The following ARL15 variants were observed in gnomAD, a reference collection of about 807,000 sequenced individuals.
The protein encoded by ARL15 is ADP-ribosylation factor-like protein 15.
A neutral mutation model predicts 25.2 loss-of-function variants in ARL15; 19 were observed. The observed-to-expected ratio is 0.75, with a 90% CI of 0.53 to 1.10. The LOEUF (loss-of-function observed/expected upper bound fraction) is 1.10. Among genes scored for constraint, ARL15 ranks in the 50% least tolerant of loss-of-function variants. The pLI, the probability that ARL15 is intolerant of heterozygous loss-of-function variation, is 0.00. For missense variants in ARL15, 220 were observed against 246.0 expected (o/e 0.89, Z 0.71); for synonymous variants, 94 against 86.8 (o/e 1.08, Z -0.46).
At chr5:54,117,506 C>T (rs1752942332) in intron 3 of ARL15, among the ~76,000 whole-genome samples, 1 of 151,962 alleles carries the variant, frequency 6.6e-6, no homozygotes, top group Admixed American at 6.6e-5. Context: ...CTTTAATCTC[C>T]TGCTACAGTT....
At chr5:54,149,757 T>C (rs959974207) in intron 3 of ARL15, among the ~76,000 whole-genome samples, 1 of 152,180 alleles carries the variant, frequency 6.6e-6, no homozygotes, top group Non-Finnish European at 1.5e-5. Context: ...CATCAGTCCA[T>C]TCAGCATCCT....
intron 3 of ARL15, among the ~76,000 whole-genome samples, chr5:54,146,592 A>C (rs1163963597): frequency 6.6e-6 from 1 of 152,196 alleles, no homozygotes; most frequent in Admixed American, 6.5e-5. Flanking sequence ...GGAGAAACAA[A>C]TACTTATTCC....
intron 1 of ARL15, among the ~76,000 whole-genome samples, chr5:54,290,908 C>A (rs1023506013): frequency 6.6e-6 from 1 of 152,084 alleles, no homozygotes; most frequent in African/African-American, 2.4e-5. Context: ...CTTCTTTGGG[C>A]ATGATACCTA....
In ARL15 at chr5:54,058,020, T is replaced by A. The variant is rs563523257; in HGVS notation, c.462+55182A>T. On this transcript the variant is annotated intron_variant, in intron 4 of 4. Transcript: ENST00000504924. ...TATTTATTTATTTATTTATTTATTTTTTTTGACAAAGTCTCGCTCTTGTTC... is the reference window on the plus strand; with the variant it reads ...TATTTATTTATTTATTTATTTATTTATTTTGACAAAGTCTCGCTCTTGTTC... 1.8e-3 allele frequency among the ~76,000 whole-genome samples: 270 copies of A among 150,410 alleles called. 3 individuals are homozygous for A. Among genetic ancestry groups the A allele is most frequent in the South Asian group, 6.7e-3 (32 of 4,788 alleles).
At chr5:54,302,275 G>C (rs1758633264) in intron 1 of ARL15, among the ~76,000 whole-genome samples, 1 of 152,160 alleles carries the variant, frequency 6.6e-6, no homozygotes, top group Non-Finnish European at 1.5e-5. Flanking sequence ...CAGCACCGAA[G>C]AATGCTCATG....
chr5:53,956,070 C>T (rs746702433), intron 4 of ARL15, among the ~76,000 whole-genome samples: 1 of 152,062 alleles, frequency 6.6e-6, no homozygotes, highest in African/African-American at 2.4e-5. Flanking sequence ...AAGTCATGCA[C>T]ATACCCACAG....
At chr5:54,272,662 A>G (rs1757819551) in intron 1 of ARL15, among the ~76,000 whole-genome samples, 1 of 152,218 alleles carries the variant, frequency 6.6e-6, no homozygotes, top group South Asian at 2.1e-4. Context: ...AAACCTCACA[A>G]TGGCCCTTTG....
At chr5:54,029,327 C>CACT (rs1561195002) in intron 4 of ARL15, among the ~76,000 whole-genome samples, 20 of 113,100 alleles carry the variant, frequency 1.8e-4, no homozygotes, top group Non-Finnish European at 3.0e-4. Flanking sequence ...CCACCACCAC[C>CACT]ACCACTACCA....
intron 1 of ARL15, among the ~76,000 whole-genome samples, chr5:54,247,222 GT>G (rs34487160): frequency 0.55 from 79,599 of 146,022 alleles, 22,297 homozygotes; most frequent in Non-Finnish European, 0.64. Flanking sequence ...TTAAAGTTTT[GT>G]TTTTTTTTTT....
At chr5:54,194,884 C>A (rs189063042) in intron 1 of ARL15, among the ~76,000 whole-genome samples, 1 of 152,190 alleles carries the variant, frequency 6.6e-6, no homozygotes, top group African/African-American at 2.4e-5. Context: ...GCTTTACCAA[C>A]TTCCCAAGAG....
chr5:54,043,578 A>G (rs1206616202), intron 4 of ARL15, among the ~76,000 whole-genome samples: 1 of 152,198 alleles, frequency 6.6e-6, no homozygotes, highest in Non-Finnish European at 1.5e-5. Context: ...CTCCAGATAC[A>G]TGATGATAGA....
chr5:54,299,676 A>G (rs1422257863), intron 1 of ARL15, among the ~76,000 whole-genome samples: 3 of 125,330 alleles, frequency 2.4e-5, no homozygotes, highest in South Asian at 2.5e-4. Flanking sequence ...TGCAATCTCC[A>G]CCTCCTGGGT....
At chr5:54,078,751 CAA>C (rs924222685) in intron 4 of ARL15, among the ~76,000 whole-genome samples, 5 of 152,078 alleles carry the variant, frequency 3.3e-5, no homozygotes, top group African/African-American at 1.2e-4. Flanking sequence ...TTAATAGATG[CAA>C]AATATTAAAT....
intron 4 of ARL15, among the ~76,000 whole-genome samples, chr5:54,101,344 A>G (rs1752432734): frequency 6.6e-6 from 1 of 152,256 alleles, no homozygotes; most frequent in Admixed American, 6.5e-5. Flanking sequence ...AAAGAATTAT[A>G]ATTTTTGTAT....
At chr5:54,180,657 C>G (rs1755031229) in intron 1 of ARL15, among the ~76,000 whole-genome samples, 1 of 152,230 alleles carries the variant, frequency 6.6e-6, no homozygotes, top group African/African-American at 2.4e-5. Context: ...CTGGAATTGT[C>G]CCAGGGCTGA....
chr5:54,152,085 C>A (rs1754084903), intron 3 of ARL15, among the ~76,000 whole-genome samples: 1 of 152,268 alleles, frequency 6.6e-6, no homozygotes, highest in South Asian at 2.1e-4. Flanking sequence ...GAATTTTTCT[C>A]TGATTGACAA....
At chr5:53,976,516 G>A (rs1747929905) in intron 4 of ARL15, among the ~76,000 whole-genome samples, 1 of 152,208 alleles carries the variant, frequency 6.6e-6, no homozygotes, top group Admixed American at 6.5e-5. Flanking sequence ...GGACTGAGAT[G>A]AGTAGATTTC....
intron 4 of ARL15, among the ~76,000 whole-genome samples, chr5:53,975,924 C>T (rs1747904993): frequency 6.6e-6 from 1 of 152,128 alleles, no homozygotes; most frequent in Non-Finnish European, 1.5e-5. Flanking sequence ...TATTAAGTGG[C>T]CATACCTTTC....
intron 1 of ARL15, among the ~76,000 whole-genome samples, chr5:54,238,824 G>C (rs1417906038): frequency 6.6e-6 from 1 of 152,204 alleles, no homozygotes. Flanking sequence ...AGGGTAGACT[G>C]ACTCTGTCAA....
Sources: gnomAD v4.1 joint callset for allele counts (sites outside exome capture counted in the v4.1 genomes callset) on GRCh38, gnomAD v4.1.1 for gene constraint, MANE v1.5 for transcripts, NCBI Gene and HGNC (gene_info 2026-07-23, HGNC 2026-07-21) for gene names.